ANKS1B: variants seen among roughly 807,000 people sequenced by gnomAD.
ANKS1B encodes the protein ankyrin repeat and sterile alpha motif domain-containing protein 1B.
Under a neutral mutation model 148.3 loss-of-function variants are expected in ANKS1B, and 36 were observed. The ratio of observed to expected loss-of-function variants is 0.24; its 90% CI spans 0.19 to 0.32. The LOEUF is 0.32. Among genes scored for constraint, ANKS1B ranks in the 10% least tolerant of loss-of-function variants. The pLI, the probability that ANKS1B is intolerant of heterozygous loss-of-function variation, is 1.00. For synonymous variants in ANKS1B, 542 were observed against 560.8 expected (o/e 0.97, Z 0.47); for missense variants, 1,157 against 1,542.6 (o/e 0.75, Z 4.19).
At chr12:99,608,486 A>G (rs1260556611) in intron 9 of ANKS1B, among the ~76,000 whole-genome samples, 2 of 152,138 alleles carry the variant, frequency 1.3e-5, no homozygotes, top group Admixed American at 1.3e-4. Context: ...AACCACTTAC[A>G]AACCACTTAC....
At chr12:98,770,412 T>C (rs1043336553) in intron 25 of ANKS1B, among the ~76,000 whole-genome samples, 2 of 152,236 alleles carry the variant, frequency 1.3e-5, no homozygotes, top group African/African-American at 4.8e-5. Flanking sequence ...AATTGCAAGT[T>C]ATGTTTAAGG....
At chr12:98,786,465 A>G (rs915055411) in intron 22 of ANKS1B, among the ~76,000 whole-genome samples, 3 of 152,224 alleles carry the variant, frequency 2.0e-5, no homozygotes, top group Non-Finnish European at 2.9e-5. Context: ...CAAGAGAAAG[A>G]AATAACCATC....
chr12:99,954,292 CT>C (rs2095279272), intron 1 of ANKS1B, among the ~76,000 whole-genome samples: 1 of 152,070 alleles, frequency 6.6e-6, no homozygotes, highest in African/African-American at 2.4e-5. Context: ...ACATTTATTC[CT>C]TGCTAATTTC....
chr12:98,928,699 C>A (rs1314507583), intron 17 of ANKS1B, among the ~76,000 whole-genome samples: 2 of 151,834 alleles, frequency 1.3e-5, no homozygotes, highest in Non-Finnish European at 2.9e-5. Flanking sequence ...ACGTTATGAG[C>A]ACAATAGATG....
At chr12:99,007,728 T>C (rs2099936952) in intron 17 of ANKS1B, among the ~76,000 whole-genome samples, 1 of 152,168 alleles carries the variant, frequency 6.6e-6, no homozygotes, top group South Asian at 2.1e-4. Flanking sequence ...TCTAGTATAC[T>C]TCATCCCAAA....
At chr12:99,638,913 C>G (rs1184736901) in intron 9 of ANKS1B, among the ~76,000 whole-genome samples, 1 of 152,236 alleles carries the variant, frequency 6.6e-6, no homozygotes, top group Non-Finnish European at 1.5e-5. Context: ...GCCATATCTT[C>G]AGAGGGTGCA....
At chr12:99,673,330 A>C (rs1481354635) in intron 8 of ANKS1B, among the ~76,000 whole-genome samples, 1 of 152,056 alleles carries the variant, frequency 6.6e-6, no homozygotes, top group Non-Finnish European at 1.5e-5. Context: ...TGCCTACTGT[A>C]CTAGCCAGGA....
downstream of ANKS1B, among the ~76,000 whole-genome samples, chr12:98,741,828 T>C (rs2097801070): frequency 6.6e-6 from 1 of 152,242 alleles, no homozygotes; most frequent in African/African-American, 2.4e-5. Context: ...CAGCTGATGC[T>C]GCCTCTTACT....
intron 26 of ANKS1B, among the ~76,000 whole-genome samples, chr12:98,750,594 G>A (rs149722295): frequency 6.6e-6 from 1 of 152,284 alleles, no homozygotes; most frequent in South Asian, 2.1e-4. Flanking sequence ...ATGCATTCTG[G>A]GGGAGTCCCA....
chr12:99,463,177 T>C (rs2096016386), intron 10 of ANKS1B, among the ~76,000 whole-genome samples: 1 of 152,250 alleles, frequency 6.6e-6, no homozygotes, highest in Middle Eastern at 3.2e-3. Flanking sequence ...CAAATAAATG[T>C]ATAAGCCTTT....
intron 8 of ANKS1B, among the ~76,000 whole-genome samples, chr12:99,672,589 A>G (rs1160567436): frequency 6.6e-6 from 1 of 152,098 alleles, no homozygotes; most frequent in Admixed American, 6.6e-5. Flanking sequence ...CAATTCTGAA[A>G]GGTCACCCCA....
intron 14 of ANKS1B, among the ~76,000 whole-genome samples, chr12:99,243,562 G>A (rs1018205276): frequency 6.6e-5 from 10 of 152,094 alleles, no homozygotes; most frequent in African/African-American, 2.4e-4. Flanking sequence ...ATGTTACTAT[G>A]AAGACACATG....
intron 10 of ANKS1B, among the ~76,000 whole-genome samples, chr12:99,493,637 T>C (rs76167318): frequency 0.025 from 3,856 of 152,220 alleles, 80 homozygotes; most frequent in South Asian, 0.088. Context: ...GAGGAATTGA[T>C]AGGGAGGTTG....
At chr12:99,169,156 G>T (rs1403567019) in intron 14 of ANKS1B, among the ~76,000 whole-genome samples, 1 of 152,138 alleles carries the variant, frequency 6.6e-6, no homozygotes, top group Non-Finnish European at 1.5e-5. Context: ...TGTACTTGTG[G>T]AATTTATAGC....
chr12:99,285,956 T>C (rs2079071168), intron 12 of ANKS1B, among the ~76,000 whole-genome samples: 1 of 152,104 alleles, frequency 6.6e-6, no homozygotes, highest in Admixed American at 6.6e-5. Context: ...GAGTTCTAAA[T>C]AAACTTGAAA....
Position 98,744,096 on chromosome 12 carries a change from A to C in ANKS1B, c.*1643T>G. 1.0e-6 allele frequency: 1 copy of C among 985,306 alleles called. No individual in the cohort carries two copies. Among genetic ancestry groups the C allele is most frequent in the African/African-American group, 1.7e-5 (1 of 57,350 alleles). The allele number at this position is 985,306 out of a possible 1,614,324, so 61.0% of individuals were successfully genotyped here. A position where few individuals can be genotyped will look rare whatever the true frequency, so the allele number is the denominator to read the frequency against. On this transcript the variant is annotated 3_prime_UTR_variant, in exon 27 of 27. Coordinates refer to ENST00000683438, the MANE Select transcript of ANKS1B (RefSeq NM_001352186.2). ...TACACATATGCTTCTGTTTCAGCAAAGCTCCTATTAACTTTGCTCCTATAC... is the reference window on the plus strand; with the variant it reads ...TACACATATGCTTCTGTTTCAGCAACGCTCCTATTAACTTTGCTCCTATAC...
At chr12:99,339,627 G>C (rs1028174867) in intron 12 of ANKS1B, among the ~76,000 whole-genome samples, 1 of 152,090 alleles carries the variant, frequency 6.6e-6, no homozygotes, top group South Asian at 2.1e-4. Context: ...ATTTCTTCAA[G>C]CTTTTAGAAA....
chr12:99,718,103 C>G (rs1316960480), intron 8 of ANKS1B, among the ~76,000 whole-genome samples: 4 of 151,740 alleles, frequency 2.6e-5, no homozygotes, highest in Admixed American at 2.6e-4. Context: ...CGGGGTTTCA[C>G]CATGTTAGCC....
chr12:98,736,015 G>T (rs984823190), intron 9 of ANKS1B, among the ~76,000 whole-genome samples: 3 of 152,200 alleles, frequency 2.0e-5, no homozygotes, highest in African/African-American at 7.2e-5. Flanking sequence ...TCTGGGAGCA[G>T]CCAGACGGCC....
Sources: gnomAD v4.1 joint callset for allele counts (sites outside exome capture counted in the v4.1 genomes callset) on GRCh38, gnomAD v4.1.1 for gene constraint, MANE v1.5 for transcripts, NCBI Gene and HGNC (gene_info 2026-07-23, HGNC 2026-07-21) for gene names.